The following FHOD3 variants were observed in gnomAD, a reference collection of about 807,000 sequenced individuals.
The protein encoded by FHOD3 is FH1/FH2 domain-containing protein 3.
A neutral mutation model predicts 173.0 loss-of-function variants in FHOD3; 90 were observed. That is an observed-to-expected ratio of 0.52 (90% confidence interval 0.44 to 0.62). FHOD3 has a LOEUF of 0.62. Among genes scored for constraint, FHOD3 ranks in the 20% least tolerant of loss-of-function variants. The pLI is 0.00. For synonymous variants in FHOD3, 828 were observed against 823.0 expected (o/e 1.01, Z -0.10); for missense variants, 1,945 against 2,034.7 (o/e 0.96, Z 0.85).
intron 7 of FHOD3, among the ~76,000 whole-genome samples, chr18:36,598,482 G>A (rs2030838307): frequency 6.6e-6 from 1 of 152,176 alleles, no homozygotes; most frequent in Non-Finnish European, 1.5e-5. Flanking sequence ...CCAGTTAGCA[G>A]GGATAAAAGC....
intron 10 of FHOD3, among the ~76,000 whole-genome samples, chr18:36,646,665 C>G (rs1401667658): frequency 6.6e-6 from 1 of 152,126 alleles, no homozygotes; most frequent in East Asian, 1.9e-4. Flanking sequence ...TGACCCCTAT[C>G]TTACATGATA....
At chr18:36,661,684 C>G (rs1169226429) in intron 14 of FHOD3, among the ~76,000 whole-genome samples, 1 of 152,122 alleles carries the variant, frequency 6.6e-6, no homozygotes, top group Admixed American at 6.5e-5. Context: ...TCCATTTCTT[C>G]CCCAACAAGT....
At chr18:36,309,208 C>T (rs1390037823) in intron 1 of FHOD3, among the ~76,000 whole-genome samples, 1 of 152,072 alleles carries the variant, frequency 6.6e-6, no homozygotes, top group South Asian at 2.1e-4. Context: ...GAGCCAGGTG[C>T]TCTCACTTGT....
Position 36,746,991 on chromosome 18 carries a change from G to C in FHOD3, c.4088G>C (p.Arg1363Thr), listed in dbSNP as rs1183235748. The stretch of plus-strand genomic sequence containing the variant: ...GATAATTTATGTCAGATGGAGAGAA[G>C]ATGCAAAGCTTCATGGGATCACCTC... ...LQDNLCQMERRCKASWDHLKA... is the reference protein window; with the variant it reads ...LQDNLCQMERTCKASWDHLKA... The change falls in exon 24 of 29, where the codon AGA becomes ACA. Residue 1363 changes from arginine (R) to threonine (T), a missense_variant. Physicochemically the swap from Arg to Thr is moderately conservative, Grantham distance 71. Coordinates refer to ENST00000590592, the MANE Select transcript of FHOD3 (RefSeq NM_001281740.3). 5.6e-6 allele frequency: 9 copies of C among 1,612,322 alleles called. No individual in the cohort carries two copies. Among genetic ancestry groups the C allele is most frequent in the Non-Finnish European group, 7.6e-6 (9 of 1,179,646 alleles).
chr18:36,650,925 A>G (rs1036140449), intron 11 of FHOD3, among the ~76,000 whole-genome samples: 20 of 152,252 alleles, frequency 1.3e-4, no homozygotes, highest in Non-Finnish European at 2.4e-4. Context: ...GGCATCCTTT[A>G]CCAGAGACCA....
At chr18:36,376,283 C>T (rs2047437932) in intron 3 of FHOD3, among the ~76,000 whole-genome samples, 1 of 152,118 alleles carries the variant, frequency 6.6e-6, no homozygotes, top group Non-Finnish European at 1.5e-5. Context: ...GCTTTGAAGG[C>T]ATTTTGTTGG....
At chr18:36,539,758 G>A (rs2057133522) in intron 5 of FHOD3, among the ~76,000 whole-genome samples, 1 of 152,190 alleles carries the variant, frequency 6.6e-6, no homozygotes, top group Non-Finnish European at 1.5e-5. Flanking sequence ...AACCCATTAT[G>A]AGTATGATTT....
At chr18:36,619,413 C>T (rs1306912223) in intron 9 of FHOD3, among the ~76,000 whole-genome samples, 2 of 152,180 alleles carry the variant, frequency 1.3e-5, no homozygotes, top group African/African-American at 4.8e-5. Flanking sequence ...ATGTCTCCAC[C>T]TCTGCAAACA....
intron 1 of FHOD3, among the ~76,000 whole-genome samples, chr18:36,311,327 T>C (rs538390172): frequency 6.6e-6 from 1 of 152,254 alleles, no homozygotes; most frequent in African/African-American, 2.4e-5. Context: ...GGGAGCTTTC[T>C]CTCCTTCCTC....
intron 10 of FHOD3, among the ~76,000 whole-genome samples, chr18:36,646,231 G>A (rs572731888): frequency 1.3e-5 from 2 of 151,076 alleles, no homozygotes; most frequent in Non-Finnish European, 2.9e-5. Flanking sequence ...TTTACAAAAA[G>A]TTTATTTCTA....
Position 36,572,543 on chromosome 18 carries a change from G to A in FHOD3, c.512-3908G>A, listed in dbSNP as rs1020682814. Among the ~76,000 whole-genome samples, 8 of 152,192 alleles carry A rather than the reference G, an allele frequency of 5.3e-5. 1 individual carries two copies. Among genetic ancestry groups the A allele is most frequent in the East Asian group, 3.9e-4 (2 of 5,194 alleles). On this transcript the variant is annotated intron_variant, in intron 5 of 28. Coordinates refer to ENST00000590592, the MANE Select transcript of FHOD3 (RefSeq NM_001281740.3). ...GATTACCAAAATATGAAAAATTAGC[G>A]TGATCGGACACTTGAATTCCATTAG... is the stretch of plus-strand genomic sequence containing the variant.
chr18:36,543,410 C>A (rs1158115647), intron 5 of FHOD3, among the ~76,000 whole-genome samples: 2 of 152,042 alleles, frequency 1.3e-5, no homozygotes, highest in African/African-American at 4.8e-5. Context: ...AATTTTTGGT[C>A]AAGAAATTTA....
chr18:36,714,419 T>C (rs896531256), intron 18 of FHOD3, among the ~76,000 whole-genome samples: 3 of 152,130 alleles, frequency 2.0e-5, no homozygotes, highest in African/African-American at 7.2e-5. Context: ...GCGCCTGTAG[T>C]CACAGCTACT....
At chr18:36,553,517 G>T (rs1383311510) in intron 5 of FHOD3, among the ~76,000 whole-genome samples, 1 of 152,162 alleles carries the variant, frequency 6.6e-6, no homozygotes. Flanking sequence ...GGTCTATTCA[G>T]GGATTCAACT....
intron 14 of FHOD3, among the ~76,000 whole-genome samples, chr18:36,664,578 G>GGCTGTGCTGT (rs780381042): frequency 2.0e-5 from 3 of 152,112 alleles, no homozygotes; most frequent in Admixed American, 2.0e-4. Flanking sequence ...AGGGAACCTG[G>GGCTGTGCTGT]GCTGTGCTGT....
At chr18:36,330,957 C>T (rs1167092637) in intron 1 of FHOD3, among the ~76,000 whole-genome samples, 1 of 152,130 alleles carries the variant, frequency 6.6e-6, no homozygotes, top group Non-Finnish European at 1.5e-5. Flanking sequence ...CTGCCCTGCC[C>T]CTGCCTTTAG....
At chr18:36,410,077 C>T (rs2049277350) in intron 3 of FHOD3, among the ~76,000 whole-genome samples, 1 of 152,146 alleles carries the variant, frequency 6.6e-6, no homozygotes, top group African/African-American at 2.4e-5. Context: ...TTAATATTGT[C>T]ACAGAGTTAT....
chr18:36,713,214 C>T (rs2149712312), intron 18 of FHOD3, among the ~76,000 whole-genome samples: 1 of 152,330 alleles, frequency 6.6e-6, no homozygotes, highest in Admixed American at 6.5e-5. Context: ...GGTAAATAGA[C>T]TTTCTGCTTA....
chr18:36,447,012 C>CTTTT (rs1426339998), intron 3 of FHOD3, among the ~76,000 whole-genome samples: 1 of 152,152 alleles, frequency 6.6e-6, no homozygotes, highest in Admixed American at 6.5e-5. Context: ...TGCCTAGGAC[C>CTTTT]TGCTGTGATC....
Sources: allele counts gnomAD v4.1 joint callset (sites outside exome capture counted in the v4.1 genomes callset), GRCh38; gene constraint gnomAD v4.1.1; transcripts MANE v1.5; gene names NCBI Gene and HGNC (gene_info 2026-07-23, HGNC 2026-07-21).